The following ARHGEF7 variants were observed in gnomAD, a reference collection of about 807,000 sequenced individuals.
The protein encoded by ARHGEF7 is Rho guanine nucleotide exchange factor 7, also known as PAK-interacting exchange factor beta.
Under a neutral mutation model 109.8 loss-of-function variants are expected in ARHGEF7, and 33 were observed. That is an observed-to-expected ratio of 0.30 (90% CI 0.23 to 0.40). The LOEUF (loss-of-function observed/expected upper bound fraction) is 0.40. Among genes scored for constraint, ARHGEF7 ranks in the 10% least tolerant of loss-of-function variants. The pLI is 1.00. For missense variants in ARHGEF7, 938 were observed against 1,098.5 expected (o/e 0.85, Z 2.07); for synonymous variants, 458 against 424.6 (o/e 1.08, Z -0.97).
chr13:111,236,367 C>CGT (rs1187745417), intron 6 of ARHGEF7, among the ~76,000 whole-genome samples: 1 of 151,954 alleles, frequency 6.6e-6, no homozygotes, highest in African/African-American at 2.4e-5. Flanking sequence ...TTCTTGTGTG[C>CGT]GTGTGTGTGT....
intron 19 of ARHGEF7, among the ~76,000 whole-genome samples, chr13:111,300,364 A>G (rs1300236238): frequency 6.6e-6 from 1 of 152,214 alleles, no homozygotes; most frequent in Non-Finnish European, 1.5e-5. Context: ...CTCACTGTAT[A>G]TGTTCTGATT....
intron 8 of ARHGEF7, among the ~76,000 whole-genome samples, chr13:111,263,319 AGCCTAGGCTCAGT>A (rs1405120453): frequency 1.3e-5 from 2 of 152,228 alleles, no homozygotes; most frequent in Non-Finnish European, 2.9e-5. Flanking sequence ...AAAAATCTAG[AGCCTAGGCTCAGT>A]GCGGTGAATT....
In ARHGEF7 at chr13:111,219,071, T is replaced by G. The variant is rs12583689; in HGVS notation, c.670+1191T>G. Among the ~76,000 whole-genome samples the G allele has an allele frequency of 5.0e-3, 754 of 152,270 alleles. 32 individuals carry two copies. The East Asian group carries it at 0.096, about 19-fold the overall frequency. ...TTTTTACCAGTTCTAAGTGTACTGT[T>G]CAGTAGCACTAGGTACATTCACAGT... On this transcript the variant is annotated intron_variant, in intron 5 of 21. Transcript: ENST00000646102.
At chr13:111,214,950 T>A (rs2082933742) in intron 4 of ARHGEF7, among the ~76,000 whole-genome samples, 1 of 152,226 alleles carries the variant, frequency 6.6e-6, no homozygotes, top group African/African-American at 2.4e-5. Flanking sequence ...TGCTTTACCT[T>A]TTAAAAATGT....
At chr13:111,299,778 G>A (rs557644463) in intron 19 of ARHGEF7, among the ~76,000 whole-genome samples, 3 of 152,190 alleles carry the variant, frequency 2.0e-5, no homozygotes, top group Admixed American at 6.5e-5. Flanking sequence ...CGGGCCAGAA[G>A]AAAGACCCAG....
intron 2 of ARHGEF7, among the ~76,000 whole-genome samples, chr13:111,189,055 C>T (rs1370807323): frequency 6.6e-6 from 1 of 152,220 alleles, no homozygotes. Context: ...CTTCAGCATC[C>T]AGGCTGATAG....
intron 5 of ARHGEF7, among the ~76,000 whole-genome samples, chr13:111,233,001 T>A (rs1012808917): frequency 3.9e-5 from 6 of 152,116 alleles, no homozygotes; most frequent in Admixed American, 3.9e-4. Context: ...GATGGGGTGC[T>A]GTGATTGGCC....
chr13:111,165,550 C>T (rs1357328160), intron 2 of ARHGEF7, among the ~76,000 whole-genome samples: 1 of 152,176 alleles, frequency 6.6e-6, no homozygotes, highest in Non-Finnish European at 1.5e-5. Flanking sequence ...TACCCACAAC[C>T]AGAAGGCTTG....
chr13:111,201,233 A>G (rs947621958), intron 2 of ARHGEF7, among the ~76,000 whole-genome samples: 1 of 152,026 alleles, frequency 6.6e-6, no homozygotes, highest in Non-Finnish European at 1.5e-5. Flanking sequence ...ATTTTCTTCT[A>G]TGGTTTGTAT....
chr13:111,239,359 C>T lies in ARHGEF7; in HGVS notation c.760-4513C>T, dbSNP rs569767478. On this transcript the variant is annotated intron_variant, in intron 6 of 21. Transcript: ENST00000646102. The surrounding 1 kb of genome is among the most constrained non-coding windows in gnomAD (Gnocchi z 4.3). Reference sequence around the variant, plus strand: ...TTATGTATCCTTAGATGCCATCACACACATCCACGGGCCTTTCCTGTGCTC... The same window carrying T: ...TTATGTATCCTTAGATGCCATCACATACATCCACGGGCCTTTCCTGTGCTC... 1.3e-5 allele frequency among the ~76,000 whole-genome samples: 2 copies of T among 152,308 alleles called. No homozygotes were observed. The highest frequency in any genetic ancestry group is 4.8e-5 in the African/African-American group (2 of 41,566).
At chr13:111,209,009 G>C (rs1012579875) in intron 3 of ARHGEF7, among the ~76,000 whole-genome samples, 1 of 152,148 alleles carries the variant, frequency 6.6e-6, no homozygotes, top group Non-Finnish European at 1.5e-5. Context: ...CAGACTTTTC[G>C]ATGTTGACCG....
At chr13:111,284,671 C>T (rs1273868410) in intron 16 of ARHGEF7, among the ~76,000 whole-genome samples, 2 of 152,204 alleles carry the variant, frequency 1.3e-5, no homozygotes, top group African/African-American at 4.8e-5. Context: ...GCCAACTCCA[C>T]ACTGGGAGAG....
intron 2 of ARHGEF7, chr13:111,202,941 G>A: frequency 2.4e-6 from 1 of 420,282 alleles, no homozygotes; most frequent in Non-Finnish European, 3.8e-6. Flanking sequence ...TGTGGTGTGT[G>A]TATTCACTTA....
intron 6 of ARHGEF7, among the ~76,000 whole-genome samples, chr13:111,240,816 G>T (rs1486897575): frequency 6.6e-6 from 1 of 152,132 alleles, no homozygotes; most frequent in Admixed American, 6.5e-5. Context: ...GTTGTATGAT[G>T]ATAAAAATCT....
chr13:111,144,594 TA>T (rs765922996), intron 1 of ARHGEF7: 8 of 152,214 alleles, frequency 5.3e-5, no homozygotes, highest in Non-Finnish European at 8.8e-5. Context: ...TTAATTAGAA[TA>T]AAGCAGTGAC....
In ARHGEF7 at chr13:111,277,001, T is replaced by C. The variant is rs181093328; in HGVS notation, c.1420-586T>C. ...ATAAGTAATACTTTTAAGTCTGATG[T>C]AAACCAGGTGATGTTTATGGGGTGG... On this transcript the variant is annotated intron_variant, in intron 12 of 21. Transcript: ENST00000646102. Among the ~76,000 whole-genome samples the C allele has an allele frequency of 4.6e-5, 7 of 152,288 alleles. No individual in the cohort carries two copies. The East Asian group carries it at 1.3e-3, about 29-fold the overall frequency.
rs75256806 is a variant in ARHGEF7 at position 111,218,244 on chromosome 13, A to G, written c.670+364A>G. On this transcript the variant is annotated intron_variant, in intron 5 of 21. Transcript: ENST00000646102. Reference sequence around the variant, plus strand: ...CAGGCTGTGTTTAATTTTTGTGACTATGGGTGGTACTTTTGGCAGTGGTGT... The same window carrying G: ...CAGGCTGTGTTTAATTTTTGTGACTGTGGGTGGTACTTTTGGCAGTGGTGT... Among the ~76,000 whole-genome samples the G allele has an allele frequency of 9.6e-3, 1,453 of 151,104 alleles. 23 individuals carry two copies. The highest frequency in any genetic ancestry group is 0.033 in the African/African-American group (1,367 of 41,072).
At position 111,193,047 on chromosome 13, in the gene ARHGEF7, C is replaced by T. The variant is rs144293055; in HGVS notation, c.253-12242C>T. 7.3e-4 allele frequency among the ~76,000 whole-genome samples: 111 copies of T among 152,304 alleles called. 2 individuals carry two copies. In the East Asian group the frequency reaches 0.019, roughly 27 times the overall value. ...CACCTCACAGACTTTGACTACCTGT[C>T]AGATGGTCCGGAGGAGATTTGGCCC... On this transcript the variant is annotated intron_variant, in intron 2 of 21. Coordinates refer to ENST00000646102, the MANE Select transcript of ARHGEF7 (RefSeq NM_001354046.2).
At chr13:111,162,675 C>G (rs1384595058) in intron 2 of ARHGEF7, among the ~76,000 whole-genome samples, 2 of 152,200 alleles carry the variant, frequency 1.3e-5, no homozygotes, top group Admixed American at 1.3e-4. Context: ...AAACACTCAT[C>G]TTCCCTGTGT....
Sources: allele counts gnomAD v4.1 joint callset (sites outside exome capture counted in the v4.1 genomes callset), GRCh38; gene constraint gnomAD v4.1.1; non-coding constraint Gnocchi (gnomAD v3.1); transcripts MANE v1.5; gene names NCBI Gene and HGNC (gene_info 2026-07-23, HGNC 2026-07-21).